Variants in WDFY4 observed in about 807,000 individuals in gnomAD.
WDFY4 encodes the protein WDFY family member 4.
In WDFY4, 169 loss-of-function variants were observed where a neutral mutation model predicts 351.9. The observed-to-expected ratio is 0.48, with a 90% confidence interval of 0.42 to 0.55. WDFY4 has a LOEUF of 0.55. WDFY4 is among the 20% of genes least tolerant of loss of function. WDFY4 has a pLI of 0.00. For synonymous variants in WDFY4, 1,622 were observed against 1,574.6 expected (o/e 1.03, Z -0.71); for missense variants, 3,803 against 3,935.6 (o/e 0.97, Z 0.90).
chr10:48,966,890 GTC>G (rs1210104831), intron 55 of WDFY4: 3 of 582,770 alleles, frequency 5.1e-6, no homozygotes, highest in Non-Finnish European at 8.9e-6. Context: ...GAAGACCCAC[GTC>G]TCTCTGTCTT....
intron 40 of WDFY4, among the ~76,000 whole-genome samples, chr10:48,871,337 A>G (rs2069770806): frequency 2.0e-5 from 3 of 152,334 alleles, no homozygotes; most frequent in East Asian, 3.9e-4. Context: ...TACAAATGCA[A>G]AAGTACAAAT....
rs760565548 is a variant in WDFY4 at position 48,890,769 on chromosome 10, C to T, written c.7316+42C>T. 7.1e-6 allele frequency: 11 copies of T among 1,549,442 alleles called. 1 individual carries two copies. In the South Asian group the frequency reaches 1.3e-4, roughly 18 times the overall value. On this transcript the variant is annotated intron_variant, in intron 44 of 61. Coordinates refer to ENST00000325239, the MANE Select transcript of WDFY4 (RefSeq NM_001394531.1). ...TCCCAGCAGATTCTTCCCTGAGCCCCATTCATCCTTACCAGCCGCCCCCAC... is the reference window on the plus strand; with the variant it reads ...TCCCAGCAGATTCTTCCCTGAGCCCTATTCATCCTTACCAGCCGCCCCCAC...
intron 24 of WDFY4, among the ~76,000 whole-genome samples, chr10:48,800,388 G>T (rs1188107292): frequency 6.6e-6 from 1 of 152,182 alleles, no homozygotes; most frequent in Admixed American, 6.5e-5. Context: ...GGAAGAGGAA[G>T]TTGTGAGGAA....
At chr10:48,873,733 A>G in intron 41 of WDFY4, 36 bp downstream of exon 41, 1 of 1,546,438 alleles carries the variant, frequency 6.5e-7, no homozygotes, top group South Asian at 1.2e-5. Context: ...TGCTGGTTCC[A>G]GGTAGGGCCT....
In WDFY4 at chr10:48,743,071, T is replaced by A; in HGVS notation, c.1982T>A (p.Leu661His). Residue 661 changes from leucine to histidine, a missense_variant, in exon 12 of 62, where the codon CTC becomes CAC. Around this residue, in one of 3 missense-constraint regions of WDFY4, gnomAD observed 3,054 missense variants for 3,148.6 expected, o/e 0.97. Transcript: ENST00000325239. ...LSLLSDLEGSLQEPPLQAWGA... is the reference protein window; with the variant it reads ...LSLLSDLEGSHQEPPLQAWGA... ...CTGCTCTCTGACCTGGAAGGCTCCC[T>A]CCAGGAGCCCCCGCTGCAGGCATGG... 6.4e-7 allele frequency: 1 copy of A among 1,551,646 alleles called. No individual in the cohort carries two copies. Among genetic ancestry groups the A allele is most frequent in the Non-Finnish European group, 8.7e-7 (1 of 1,146,992 alleles).
chr10:48,794,295 C>T (rs889091442), intron 23 of WDFY4, among the ~76,000 whole-genome samples: 2 of 152,068 alleles, frequency 1.3e-5, no homozygotes, highest in African/African-American at 4.8e-5. Context: ...GTGTTCCTGA[C>T]CTGGGGAGTC....
At chr10:48,788,416 C>A (rs1256958428) in intron 20 of WDFY4, 114 bp from the exon 21 acceptor site, 3 of 1,290,400 alleles carry the variant, frequency 2.3e-6, no homozygotes, top group South Asian at 3.0e-5. Flanking sequence ...TGACAACATA[C>A]AAACATCCTC....
intron 2 of WDFY4, among the ~76,000 whole-genome samples, chr10:48,718,812 G>A (rs1321285980): frequency 1.3e-5 from 2 of 152,208 alleles, no homozygotes; most frequent in African/African-American, 4.8e-5. Context: ...GCGGACTTAC[G>A]AACAGGGCTG....
At chr10:48,899,715 A>G (rs1240399503) in intron 45 of WDFY4, among the ~76,000 whole-genome samples, 1 of 152,230 alleles carries the variant, frequency 6.6e-6, no homozygotes, top group African/African-American at 2.4e-5. Flanking sequence ...TAATTTAGGC[A>G]TTAAGGAAAT....
At chr10:48,700,849 T>C (rs1395741603) in intron 1 of WDFY4, among the ~76,000 whole-genome samples, 1 of 152,264 alleles carries the variant, frequency 6.6e-6, no homozygotes, top group East Asian at 1.9e-4. Context: ...AATTATTTTC[T>C]CTTCCTTTAT....
chr10:48,752,454 T>G (rs149681865), intron 12 of WDFY4, among the ~76,000 whole-genome samples: 1 of 152,376 alleles, frequency 6.6e-6, no homozygotes, highest in African/African-American at 2.4e-5. Flanking sequence ...CCATAGAATT[T>G]AATGCATTCA....
intron 12 of WDFY4, among the ~76,000 whole-genome samples, chr10:48,756,378 A>G (rs777250496): frequency 4.8e-5 from 7 of 146,448 alleles, no homozygotes; most frequent in Non-Finnish European, 1.1e-4. Flanking sequence ...TGAGACTGCT[A>G]AATTTAATTA....
intron 44 of WDFY4, among the ~76,000 whole-genome samples, chr10:48,895,007 T>C (rs1009683389): frequency 4.6e-5 from 7 of 152,298 alleles, no homozygotes; most frequent in African/African-American, 1.4e-4. Flanking sequence ...CGGTGTTTTG[T>C]GTTTGATCCA....
At chr10:48,724,271 C>T (rs2064190401) in intron 5 of WDFY4, among the ~76,000 whole-genome samples, 1 of 152,114 alleles carries the variant, frequency 6.6e-6, no homozygotes, top group Non-Finnish European at 1.5e-5. Flanking sequence ...GTGTCTCACA[C>T]AGAGCAGGTG....
chr10:48,826,535 T>C, intron 35 of WDFY4, 136 bp from the exon 36 acceptor site: 3 of 648,932 alleles, frequency 4.6e-6, no homozygotes, highest in Non-Finnish European at 5.3e-6. Flanking sequence ...GGGAATAGCA[T>C]TGAATCTATA....
chr10:48,698,372 G>C (rs2063388102), intron 1 of WDFY4, among the ~76,000 whole-genome samples: 1 of 152,300 alleles, frequency 6.6e-6, no homozygotes, highest in African/African-American at 2.4e-5. Context: ...CAGTGACAAG[G>C]CCCCTGTGAC....
chr10:48,894,098 CA>C (rs1355703706), intron 44 of WDFY4, among the ~76,000 whole-genome samples: 3 of 152,196 alleles, frequency 2.0e-5, no homozygotes, highest in Non-Finnish European at 4.4e-5. Context: ...GGAAGTCAAT[CA>C]GGGGAATCAA....
intron 30 of WDFY4, among the ~76,000 whole-genome samples, chr10:48,812,190 G>GTTTTTTTTTTTTTT (rs199764757): frequency 7.3e-6 from 1 of 137,544 alleles, no homozygotes; most frequent in African/African-American, 3.0e-5. Flanking sequence ...TTTTTTTTTT[G>GTTTTTTTTTTTTTT]TTTTTTTTGT....
chr10:48,731,979 C>A (rs1459626391), intron 9 of WDFY4, among the ~76,000 whole-genome samples: 1 of 152,166 alleles, frequency 6.6e-6, no homozygotes, highest in Non-Finnish European at 1.5e-5. Flanking sequence ...TCAGTGGTCT[C>A]CCACTGGGAG....
Sources: allele counts gnomAD v4.1 joint callset (sites outside exome capture counted in the v4.1 genomes callset), GRCh38; gene constraint gnomAD v4.1.1; regional missense constraint gnomAD v4.1.1; transcripts MANE v1.5; gene names NCBI Gene and HGNC (gene_info 2026-07-23, HGNC 2026-07-21).